The following EFNB2 variants were observed in gnomAD, a reference collection of about 807,000 sequenced individuals.
EFNB2 encodes the protein ephrin-B2.
EFNB2 carries 5 observed loss-of-function variants against 32.1 expected under a neutral mutation model. The ratio of observed to expected loss-of-function variants is 0.16; its 90% CI spans 0.08 to 0.33. The LOEUF (loss-of-function observed/expected upper bound fraction) is 0.33. Ranked by LOEUF, EFNB2 falls within the 10% of genes least tolerant of loss-of-function variation. EFNB2 has a pLI of 1.00. For missense variants in EFNB2, 263 were observed against 422.6 expected (o/e 0.62, Z 3.31); for synonymous variants, 168 against 166.5 (o/e 1.01, Z -0.07).
chr13:106,497,513 ATC>A (rs1878630615), intron 2 of EFNB2, among the ~76,000 whole-genome samples: 1 of 152,086 alleles, frequency 6.6e-6, no homozygotes, highest in Non-Finnish European at 1.5e-5. Flanking sequence ...TCTAAAAAAA[ATC>A]TTTTTAATTA....
chr13:106,534,586 G>A (rs3818377), intron 1 of EFNB2, among the ~76,000 whole-genome samples: 39,812 of 152,104 alleles, frequency 0.26, 5,957 homozygotes, highest in East Asian at 0.69. Flanking sequence ...TGACACCCGA[G>A]CCGATAGTAG....
At chr13:106,500,412 G>A (rs1878736292) in intron 2 of EFNB2, among the ~76,000 whole-genome samples, 1 of 152,200 alleles carries the variant, frequency 6.6e-6, no homozygotes, top group African/African-American at 2.4e-5. Flanking sequence ...AAAGAATGAA[G>A]CACCAGGAAA....
At chr13:106,511,320 G>T (rs1301338420) in intron 2 of EFNB2, among the ~76,000 whole-genome samples, 2 of 151,958 alleles carry the variant, frequency 1.3e-5, no homozygotes, top group Non-Finnish European at 1.5e-5. Context: ...TCTGTGCTTT[G>T]AAGTGTAGCT....
chr13:106,495,044 T>G, intron 3 of EFNB2, 50 bp from the exon 4 acceptor site: 1 of 1,424,216 alleles, frequency 7.0e-7, no homozygotes, highest in Non-Finnish European at 9.9e-7. Context: ...TGACAATATC[T>G]AGCTTTAGGA....
At chr13:106,513,814 C>A (rs1197500599) in intron 1 of EFNB2, among the ~76,000 whole-genome samples, 1 of 152,126 alleles carries the variant, frequency 6.6e-6, no homozygotes, top group Non-Finnish European at 1.5e-5. Flanking sequence ...AGCCTAAGAA[C>A]AAAGAATCGC....
chr13:106,529,765 T>C (rs1028386909), intron 1 of EFNB2, among the ~76,000 whole-genome samples: 3 of 152,268 alleles, frequency 2.0e-5, no homozygotes, highest in Non-Finnish European at 4.4e-5. Flanking sequence ...ATGGTGGTTT[T>C]ATTGCCATAC....
rs1362711821 is a variant in EFNB2, at chr13:106,499,812, TG to T, written c.407-3973del. On this transcript the variant is annotated intron_variant, in intron 2 of 4. Coordinates refer to ENST00000646441, the MANE Select transcript of EFNB2 (RefSeq NM_004093.4). ...AAAGATACATGGGCATTTTACAGCC[TG>T]TTTTTAAAAGCTTTTGCTTCAGGGG... 2.2e-4 allele frequency among the ~76,000 whole-genome samples: 33 copies of T among 152,206 alleles called. 1 individual carries two copies. The highest frequency in any genetic ancestry group is 2.2e-3 in the Admixed American group (33 of 15,282).
chr13:106,501,947 A>G (rs1878798889), intron 2 of EFNB2, among the ~76,000 whole-genome samples: 1 of 152,200 alleles, frequency 6.6e-6, no homozygotes, highest in Admixed American at 6.5e-5. Context: ...TAAACAAAAC[A>G]AGCCCTCTAC....
chr13:106,530,893 C>T (rs998094987), intron 1 of EFNB2, among the ~76,000 whole-genome samples: 4 of 152,332 alleles, frequency 2.6e-5, no homozygotes, highest in Middle Eastern at 3.4e-3. Flanking sequence ...AAGGATGCAC[C>T]TCAGTAAGTT....
rs1397616997 is a variant in EFNB2, at chr13:106,490,757, T to C, written c.*2283A>G. ...AAATATGATATAGATATATATAATA[T>C]ATATTGTAGATATATATTATACATA... On this transcript the variant is annotated 3_prime_UTR_variant, in exon 5 of 5. Transcript: ENST00000646441. The C allele has an allele frequency of 1.3e-5, 2 of 151,770 alleles. No homozygotes were observed. Among genetic ancestry groups the C allele is most frequent in the Non-Finnish European group, 1.5e-5 (1 of 67,946 alleles). The allele number at this position is 151,770 out of a possible 1,614,324, so 9.4% of individuals were successfully genotyped here. A position where few individuals can be genotyped will look rare whatever the true frequency, so the allele number is the denominator to read the frequency against.
intron 1 of EFNB2, 96 bp downstream of exon 1, chr13:106,534,747 C>G (rs1291783616): frequency 1.4e-6 from 2 of 1,413,886 alleles, no homozygotes; most frequent in Non-Finnish European, 1.9e-6. Flanking sequence ...GTTCCAGAAA[C>G]AGGCTCCGAG....
At position 106,520,322 on chromosome 13, in the gene EFNB2, G is replaced by A. The variant is rs553107844; in HGVS notation, c.123-7510C>T. On this transcript the variant is annotated intron_variant, in intron 1 of 4. Coordinates refer to ENST00000646441, the MANE Select transcript of EFNB2 (RefSeq NM_004093.4). Reference sequence around the variant, plus strand: ...TACAAACTGGTTCATCTGCAATTCCGAATGCAGATGAGCAGTCTGCAGTTC... The same window carrying A: ...TACAAACTGGTTCATCTGCAATTCCAAATGCAGATGAGCAGTCTGCAGTTC... 7 of 152,298 alleles carry A rather than the reference G, an allele frequency of 4.6e-5. No homozygotes were observed. In the East Asian group the frequency reaches 9.6e-4, roughly 21 times the overall value. 9.4% of individuals were successfully genotyped at this position (152,298 alleles called of 1,614,324 possible).
At chr13:106,495,619 T>C (rs962866675) in intron 3 of EFNB2, 129 bp downstream of exon 3, 2 of 838,792 alleles carry the variant, frequency 2.4e-6, no homozygotes, top group Non-Finnish European at 3.8e-6. Context: ...TGGCTCAAAG[T>C]GCAGAAGGGT....
At position 106,493,696 on chromosome 13, in the gene EFNB2, C is replaced by T. The variant is rs1878496112; in HGVS notation, c.614-268G>A. ...AGCACAGACTGTCGGTGACAGCCAGCCCTTGATCTTGCTTCATCTTCTAAC... is the reference window on the plus strand; with the variant it reads ...AGCACAGACTGTCGGTGACAGCCAGTCCTTGATCTTGCTTCATCTTCTAAC... On this transcript the variant is annotated intron_variant, in intron 4 of 4. Coordinates refer to ENST00000646441, the MANE Select transcript of EFNB2 (RefSeq NM_004093.4). This position sits in a 1 kb window ranked among gnomAD's most constrained non-coding sequence, Gnocchi z 6.1. Among the ~76,000 whole-genome samples the T allele has an allele frequency of 6.6e-6, 1 of 152,320 alleles. No homozygotes were observed. Among genetic ancestry groups the T allele is most frequent in the South Asian group, 2.1e-4 (1 of 4,828 alleles).
At chr13:106,532,824 G>C (rs189059306) in intron 1 of EFNB2, among the ~76,000 whole-genome samples, 7 of 149,698 alleles carry the variant, frequency 4.7e-5, no homozygotes, top group Middle Eastern at 3.5e-3. Flanking sequence ...CATCAGAATG[G>C]GGGGGGGGAG....
Position 106,512,555 on chromosome 13 carries a change from T to C in EFNB2, c.380A>G (p.Gln127Arg). 6.2e-7 allele frequency: 1 copy of C among 1,607,614 alleles called. No homozygotes were observed. The highest frequency in any genetic ancestry group is 1.3e-5 in the African/African-American group (1 of 74,896). ...TATAATGTAATAATCTTTGTTCTTC[T>C]GAAATTCTAGACCCCAGAGGTTAGG... ...FSPNLWGLEF[Q>R]KNKDYYIIST... The change falls in exon 2 of 5, where the codon CAG (glutamine) becomes CGG (arginine). Residue 127 changes from glutamine (Q) to arginine (R), a missense_variant. By Grantham distance (43) the Gln-to-Arg change is conservative. Around this residue, in one of 3 missense-constraint regions of EFNB2, gnomAD observed 45 missense variants for 128.6 expected, o/e 0.35. Transcript: ENST00000646441.
chr13:106,496,389 C>A (rs896671880), intron 2 of EFNB2, among the ~76,000 whole-genome samples: 2 of 152,184 alleles, frequency 1.3e-5, no homozygotes, highest in African/African-American at 4.8e-5. Context: ...AAGAAGTATA[C>A]CAGAAATCAG....
intron 2 of EFNB2, 77 bp from the exon 3 acceptor site, chr13:106,495,917 T>G: frequency 7.6e-7 from 1 of 1,321,614 alleles, no homozygotes; most frequent in Non-Finnish European, 1.1e-6. Flanking sequence ...TACATGAACA[T>G]GAAATGTCTG....
At chr13:106,531,588 TTGA>T (rs1879873638) in intron 1 of EFNB2, among the ~76,000 whole-genome samples, 1 of 152,234 alleles carries the variant, frequency 6.6e-6, no homozygotes, top group African/African-American at 2.4e-5. Context: ...ATATATGTTA[TTGA>T]ATGGACTGTT....
Sources: allele counts gnomAD v4.1 joint callset (sites outside exome capture counted in the v4.1 genomes callset), GRCh38; gene constraint gnomAD v4.1.1; regional missense constraint gnomAD v4.1.1; non-coding constraint Gnocchi (gnomAD v3.1); transcripts MANE v1.5; gene names NCBI Gene and HGNC (gene_info 2026-07-23, HGNC 2026-07-21).